CHRNB4: variants seen among roughly 807,000 people sequenced by gnomAD.
The protein encoded by CHRNB4 is cholinergic receptor nicotinic beta 4 subunit.
In CHRNB4, 23 loss-of-function variants were observed where a neutral mutation model predicts 40.4. That is an observed-to-expected ratio of 0.57 (90% CI 0.41 to 0.81). CHRNB4 has a LOEUF of 0.81. Ranked by LOEUF, CHRNB4 falls within the 30% of genes least tolerant of loss-of-function variation. CHRNB4 has a pLI of 0.00. For synonymous variants in CHRNB4, 285 were observed against 274.4 expected, an observed-to-expected ratio of 1.04 and a Z score of -0.38; for missense variants, 568 against 670.6, an observed-to-expected ratio of 0.85 and a Z score of 1.69.
At chr15:78,653,802 T>A (rs182552178) in intron 5 of CHRNB4, among the ~76,000 whole-genome samples, 15 of 152,316 alleles carry the variant, frequency 9.8e-5, no homozygotes, top group African/African-American at 3.6e-4. Context: ...GGCATGGCAA[T>A]CTGAAGTCTT....
At chr15:78,639,876 T>C (rs1465848770) in intron 1 of CHRNB4, among the ~76,000 whole-genome samples, 1 of 152,090 alleles carries the variant, frequency 6.6e-6, no homozygotes, top group Admixed American at 6.6e-5. Context: ...ATGGGGAACC[T>C]GAGGTCCAGG....
At chr15:78,632,241 CTCTCTCTCTCTCTCTT>C (rs2141377436) in intron 2 of CHRNB4, among the ~76,000 whole-genome samples, 1 of 86,896 alleles carries the variant, frequency 1.2e-5, no homozygotes, top group African/African-American at 8.1e-5. Flanking sequence ...CTCTCTCTCT[CTCTCTCTCTCTCTCTT>C]TCTTTCTTTC....
At chr15:78,650,256 G>T (rs2141408123) in intron 6 of CHRNB4, among the ~76,000 whole-genome samples, 1 of 152,328 alleles carries the variant, frequency 6.6e-6, no homozygotes, top group South Asian at 2.1e-4. Flanking sequence ...ACTAGCTGAG[G>T]CCCAGGCTGC....
chr15:78,647,730 G>T (rs1248743220), intron 7 of CHRNB4, among the ~76,000 whole-genome samples: 1 of 149,284 alleles, frequency 6.7e-6, no homozygotes, highest in African/African-American at 2.5e-5. Flanking sequence ...CGTGGTGGCA[G>T]GCACCTGTAG....
At chr15:78,638,621 GGGGGGCC>G (rs982265523) in intron 1 of CHRNB4, among the ~76,000 whole-genome samples, 8 of 75,164 alleles carry the variant, frequency 1.1e-4, no homozygotes, top group African/African-American at 3.0e-4. Context: ...GTGTATGGCC[GGGGGGCC>G]GGGGGGGTGG....
chr15:78,626,957 C>G (rs1237169140), intron 5 of CHRNB4: 1 of 152,222 alleles, frequency 6.6e-6, no homozygotes, highest in African/African-American at 2.4e-5. Flanking sequence ...GCCGGCTCAG[C>G]CAGGGATGCA....
chr15:78,653,140 G>C (rs1245541567), intron 5 of CHRNB4, among the ~76,000 whole-genome samples: 1 of 152,146 alleles, frequency 6.6e-6, no homozygotes, highest in Non-Finnish European at 1.5e-5. Context: ...TAACAGATGG[G>C]AATTCAGTAG....
chr15:78,639,540 C>T (rs560274567), intron 1 of CHRNB4, among the ~76,000 whole-genome samples: 74 of 152,196 alleles, frequency 4.9e-4, no homozygotes, highest in African/African-American at 9.1e-4. Context: ...CCTCGTGATC[C>T]GCCCGCCTCT....
upstream of CHRNB4, chr15:78,661,060 C>T (rs894524133): frequency 3.0e-5 from 18 of 594,240 alleles, no homozygotes; most frequent in African/African-American, 2.8e-4. Flanking sequence ...GTAGTCTCGG[C>T]TGGCCCTTTG....
At chr15:78,640,145 C>T (rs926861694) in intron 1 of CHRNB4, among the ~76,000 whole-genome samples, 3 of 152,178 alleles carry the variant, frequency 2.0e-5, no homozygotes, top group Non-Finnish European at 4.4e-5. Flanking sequence ...AGATTATTAG[C>T]TCCTTATATA....
intron 2 of CHRNB4, among the ~76,000 whole-genome samples, chr15:78,658,028 C>CT (rs71448810): frequency 0.35 from 31,492 of 90,590 alleles, 6,432 homozygotes; most frequent in Non-Finnish European, 0.38. Flanking sequence ...TCTTGTTTCT[C>CT]TTTTTTTTTT....
At chr15:78,654,445 T>C (rs1029765045) in intron 5 of CHRNB4, among the ~76,000 whole-genome samples, 14 of 152,228 alleles carry the variant, frequency 9.2e-5, no homozygotes, top group African/African-American at 2.7e-4. Flanking sequence ...AAGCCTGGAT[T>C]AGGAGAGACT....
At chr15:78,636,917 G>A (rs1436413634) in intron 1 of CHRNB4, among the ~76,000 whole-genome samples, 1 of 152,228 alleles carries the variant, frequency 6.6e-6, no homozygotes, top group Non-Finnish European at 1.5e-5. Context: ...ACAGTGCAGG[G>A]GAGCAGCCCC....
chr15:78,633,379 C>T (rs1385801123), intron 2 of CHRNB4, among the ~76,000 whole-genome samples: 4 of 152,154 alleles, frequency 2.6e-5, no homozygotes, highest in Non-Finnish European at 4.4e-5. Context: ...CTGATAGGTA[C>T]CCAGATTCTT....
chr15:78,647,596 C>T (rs2054133983), intron 7 of CHRNB4, among the ~76,000 whole-genome samples: 2 of 150,236 alleles, frequency 1.3e-5, no homozygotes, highest in South Asian at 2.1e-4. Flanking sequence ...CCTGTAATCC[C>T]AGCACTTTGG....
upstream of CHRNB4, among the ~76,000 whole-genome samples, chr15:78,644,211 T>C (rs890126185): frequency 6.6e-6 from 1 of 151,418 alleles, no homozygotes; most frequent in African/African-American, 2.4e-5. Flanking sequence ...CCTTAGAATA[T>C]ATCTAGCAAA....
At position 78,631,739 on chromosome 15, in the gene CHRNB4, T is replaced by C. The variant is rs115231066; in HGVS notation, c.205-407A>G. Among the ~76,000 whole-genome samples, 553 of 152,318 alleles carry C rather than the reference T, an allele frequency of 3.6e-3. 5 individuals carry two copies. Among genetic ancestry groups the C allele is most frequent in the African/African-American group, 0.013 (531 of 41,568 alleles). On this transcript the variant is annotated intron_variant, in intron 2 of 5. Transcript: ENST00000261751. ...ACCGCAGGAGCCCCCTAACTGGTCT[T>C]CCTGCTCTGTCCTGGCCTGCCTTTA...
In CHRNB4 at chr15:78,635,580, G is replaced by A. The variant is rs2053932200; in HGVS notation, c.63C>T (p.Cys21=). Residue 21 remains cysteine, a synonymous_variant, in exon 2 of 6, where the codon TGC becomes TGT. Coordinates refer to ENST00000261751, the MANE Select transcript of CHRNB4 (RefSeq NM_000750.5). ...FLVALCGRGN[C]RVANAEEKLM... is the part of the protein sequence containing the mutation. The stretch of plus-strand genomic sequence containing the variant: ...GCTTTTCCTCCGCATTGGCCACGCG[G>A]CAGTTCCCTGAGAAAACACACAGTC... The A allele has an allele frequency of 6.2e-7, 1 of 1,614,042 alleles. No individual in the cohort carries two copies.
chr15:78,638,022 CAT>C (rs2053990394), intron 1 of CHRNB4, among the ~76,000 whole-genome samples: 1 of 152,212 alleles, frequency 6.6e-6, no homozygotes, highest in Non-Finnish European at 1.5e-5. Context: ...TGACTTATTT[CAT>C]AGAGAGGGGT....
Sources: allele counts gnomAD v4.1 joint callset (sites outside exome capture counted in the v4.1 genomes callset), GRCh38; gene constraint gnomAD v4.1.1; transcripts MANE v1.5; gene names NCBI Gene and HGNC (gene_info 2026-07-23, HGNC 2026-07-21).